The following CCSER1 variants were observed in gnomAD, a reference collection of about 807,000 sequenced individuals.
The protein encoded by CCSER1 is serine-rich coiled-coil domain-containing protein 1.
CCSER1 carries 41 observed loss-of-function variants against 82.0 expected under a neutral mutation model. The observed-to-expected ratio is 0.50, with a 90% CI of 0.39 to 0.65. The LOEUF is 0.65. Ranked by LOEUF, CCSER1 falls within the 30% of genes least tolerant of loss-of-function variation. CCSER1 has a pLI of 0.00. For synonymous variants in CCSER1, 414 were observed against 383.9 expected (o/e 1.08, Z -0.92); for missense variants, 1,119 against 1,064.2 (o/e 1.05, Z -0.72).
At chr4:90,705,095 T>C (rs1037359096) in intron 6 of CCSER1, among the ~76,000 whole-genome samples, 2 of 152,172 alleles carry the variant, frequency 1.3e-5, no homozygotes, top group Non-Finnish European at 2.9e-5. Context: ...TTTCCCCATC[T>C]TTGTGGTTTT....
intron 7 of CCSER1, among the ~76,000 whole-genome samples, chr4:90,729,857 C>A (rs1196827638): frequency 1.3e-5 from 2 of 152,098 alleles, no homozygotes; most frequent in Admixed American, 1.3e-4. Context: ...GCCTGGGCTA[C>A]AGACCGAGAC....
intron 3 of CCSER1, among the ~76,000 whole-genome samples, chr4:90,383,302 A>C (rs181455726): frequency 1.3e-5 from 2 of 152,322 alleles, no homozygotes; most frequent in East Asian, 3.9e-4. Context: ...ATACAAAAGG[A>C]ATTATAGATA....
intron 10 of CCSER1, among the ~76,000 whole-genome samples, chr4:91,416,360 A>AAAAT (rs1753362548): frequency 6.6e-6 from 1 of 152,166 alleles, no homozygotes; most frequent in Admixed American, 6.6e-5. Flanking sequence ...AACTATTTTA[A>AAAAT]AAATCAGATG....
chr4:90,375,929 A>T (rs1473317306), intron 3 of CCSER1, among the ~76,000 whole-genome samples: 2 of 152,166 alleles, frequency 1.3e-5, no homozygotes, highest in African/African-American at 4.8e-5. Context: ...GCCAGCTGGG[A>T]GGCCATGTTG....
intron 10 of CCSER1, among the ~76,000 whole-genome samples, chr4:91,531,054 A>G (rs6852056): frequency 0.68 from 103,102 of 151,932 alleles, 35,618 homozygotes; most frequent in African/African-American, 0.81. Context: ...AAGATGTACT[A>G]GGTACTTTAT....
chr4:91,520,608 T>G (rs965090656), intron 10 of CCSER1, among the ~76,000 whole-genome samples: 4 of 152,222 alleles, frequency 2.6e-5, no homozygotes, highest in Non-Finnish European at 4.4e-5. Flanking sequence ...GTAGTTTCCT[T>G]TACTTTTGCT....
chr4:91,532,057 A>G (rs934495101), intron 10 of CCSER1, among the ~76,000 whole-genome samples: 1 of 152,138 alleles, frequency 6.6e-6, no homozygotes, highest in African/African-American at 2.4e-5. Flanking sequence ...TCTTGTCACT[A>G]TGCTATAATT....
intron 7 of CCSER1, among the ~76,000 whole-genome samples, chr4:90,795,510 G>T (rs907122128): frequency 2.6e-5 from 4 of 152,080 alleles, no homozygotes; most frequent in African/African-American, 9.7e-5. Flanking sequence ...TGATTATCCT[G>T]GCCAGGACTT....
chr4:90,439,040 TC>T (rs1317317314), intron 4 of CCSER1, among the ~76,000 whole-genome samples: 1 of 152,178 alleles, frequency 6.6e-6, no homozygotes, highest in African/African-American at 2.4e-5. Context: ...ACACCTGTAA[TC>T]CCAGCACTTT....
intron 1 of CCSER1, among the ~76,000 whole-genome samples, chr4:90,291,417 C>T (rs529924759): frequency 1.3e-5 from 2 of 152,008 alleles, no homozygotes; most frequent in Non-Finnish European, 2.9e-5. Context: ...CCACTCAAGT[C>T]GGTCACATCA....
intron 6 of CCSER1, among the ~76,000 whole-genome samples, chr4:90,714,164 T>C (rs1741195253): frequency 6.6e-6 from 1 of 152,034 alleles, no homozygotes; most frequent in African/African-American, 2.4e-5. Flanking sequence ...TTTAAATATC[T>C]ACTTTTAAAT....
intron 7 of CCSER1, 24 bp downstream of exon 7, chr4:90,724,015 T>C: frequency 7.1e-7 from 1 of 1,401,232 alleles, no homozygotes; most frequent in Non-Finnish European, 9.9e-7. Flanking sequence ...AAGAAAGCAT[T>C]ATTTATAAAA....
intron 10 of CCSER1, among the ~76,000 whole-genome samples, chr4:91,352,290 A>T (rs1748523725): frequency 6.6e-6 from 1 of 152,174 alleles, no homozygotes; most frequent in South Asian, 2.1e-4. Context: ...TCACTCTGTC[A>T]CCCAGGAGTG....
intron 10 of CCSER1, among the ~76,000 whole-genome samples, chr4:91,585,693 G>T (rs1763953952): frequency 6.6e-6 from 1 of 151,408 alleles, no homozygotes; most frequent in Admixed American, 6.6e-5. Context: ...CCAGATAGAG[G>T]CTAAAAGCGT....
chr4:91,362,555 C>T (rs974159391), intron 10 of CCSER1, among the ~76,000 whole-genome samples: 1 of 151,808 alleles, frequency 6.6e-6, no homozygotes, highest in African/African-American at 2.4e-5. Flanking sequence ...CTACTACTCA[C>T]AGTTTAATGC....
chr4:90,332,524 C>T (rs767052131), intron 3 of CCSER1, among the ~76,000 whole-genome samples: 1 of 152,104 alleles, frequency 6.6e-6, no homozygotes, highest in Admixed American at 6.6e-5. Flanking sequence ...GCATGAGCCA[C>T]CATACCCGGC....
intron 1 of CCSER1, among the ~76,000 whole-genome samples, chr4:90,213,482 C>T (rs1366671300): frequency 6.6e-6 from 1 of 152,026 alleles, no homozygotes; most frequent in Non-Finnish European, 1.5e-5. Context: ...ATTTGGAAGT[C>T]CACGGTATAT....
intron 6 of CCSER1, among the ~76,000 whole-genome samples, chr4:90,630,986 C>G (rs1042833154): frequency 1.3e-5 from 2 of 151,496 alleles, no homozygotes; most frequent in African/African-American, 4.8e-5. Context: ...CTCCGCCTCC[C>G]GGGTTCACGC....
chr4:91,135,792 A>T lies in CCSER1; in HGVS notation c.2217+49798A>T, dbSNP rs546744672. On this transcript the variant is annotated intron_variant, in intron 10 of 10. Coordinates refer to ENST00000509176, the MANE Select transcript of CCSER1 (RefSeq NM_001145065.2). ...ATTCACAAGTAGGGAACCTGGGTGCAGCATGAAGGGAGTTGGTTGTATTAT... is the reference window on the plus strand; with the variant it reads ...ATTCACAAGTAGGGAACCTGGGTGCTGCATGAAGGGAGTTGGTTGTATTAT... Among the ~76,000 whole-genome samples, 5 of 152,336 alleles carry T rather than the reference A, an allele frequency of 3.3e-5. No individual in the cohort carries two copies. The East Asian group carries it at 5.8e-4, about 18-fold the overall frequency.
Sources: gnomAD v4.1 joint callset for allele counts (sites outside exome capture counted in the v4.1 genomes callset) on GRCh38, gnomAD v4.1.1 for gene constraint, MANE v1.5 for transcripts, NCBI Gene and HGNC (gene_info 2026-07-23, HGNC 2026-07-21) for gene names.